Variants in B3GALT1 observed in about 807,000 individuals in gnomAD.
B3GALT1 encodes the protein beta-1,3-galactosyltransferase 1.
Under a neutral mutation model 23.2 loss-of-function variants are expected in B3GALT1, and 10 were observed. The ratio of observed to expected loss-of-function variants is 0.43; its 90% CI spans 0.27 to 0.73. The LOEUF (loss-of-function observed/expected upper bound fraction) is 0.73. Ranked by LOEUF, B3GALT1 falls within the 30% of genes least tolerant of loss-of-function variation. The probability of loss-of-function intolerance (pLI) is 0.21; values close to 1 mark genes in which losing one functional copy is unlikely to be tolerated. For synonymous variants in B3GALT1, 156 were observed against 141.5 expected, an observed-to-expected ratio of 1.10 and a Z score of -0.73; for missense variants, 299 against 405.4, an observed-to-expected ratio of 0.74 and a Z score of 2.25.
At chr2:167,678,905 G>C (rs945163674) in intron 3 of B3GALT1, among the ~76,000 whole-genome samples, 6 of 151,998 alleles carry the variant, frequency 3.9e-5, no homozygotes, top group South Asian at 4.1e-4. Flanking sequence ...TATTCAAGTG[G>C]CTTTTTTCCT....
Position 167,665,792 on chromosome 2 carries a change from G to A in B3GALT1, c.-352+18826G>A, listed in dbSNP as rs561673281. 3.0e-4 allele frequency among the ~76,000 whole-genome samples: 45 copies of A among 152,264 alleles called. No homozygotes were observed. In the South Asian group the frequency reaches 4.4e-3, roughly 15 times the overall value. The stretch of plus-strand genomic sequence containing the variant: ...TTCTCTGATGGTAGTTTGTATTTCC[G>A]TGGGATCGGTGGTGATATCCTCTTT... On this transcript the variant is annotated intron_variant, in intron 3 of 4. Transcript: ENST00000392690.
At chr2:167,380,675 C>T (rs1165733473) in intron 1 of B3GALT1, among the ~76,000 whole-genome samples, 8 of 152,252 alleles carry the variant, frequency 5.3e-5, no homozygotes, top group African/African-American at 1.9e-4. Flanking sequence ...GTGTCTTTCC[C>T]TCACAGCATC....
rs1690286416 is a variant in B3GALT1, at chr2:167,868,914, T to C, written c.-126T>C. On this transcript the variant is annotated 5_prime_UTR_variant, in exon 5 of 5. Transcript: ENST00000392690. ...CAGCCACTGAGGCCCATGGACAATC[T>C]CCACCTCACGCTTCTCTATCAAACT... 1.7e-6 allele frequency: 2 copies of C among 1,175,986 alleles called. No individual in the cohort carries two copies. Among genetic ancestry groups the C allele is most frequent in the Non-Finnish European group, 2.4e-6 (2 of 839,896 alleles). 72.8% of individuals were successfully genotyped at this position (1,175,986 alleles called of 1,614,324 possible). A position where few individuals can be genotyped will look rare whatever the true frequency, so the allele number is the denominator to read the frequency against.
At chr2:167,474,785 G>A (rs752281564) in intron 1 of B3GALT1, among the ~76,000 whole-genome samples, 5 of 152,108 alleles carry the variant, frequency 3.3e-5, no homozygotes, top group Non-Finnish European at 7.4e-5. Context: ...CCTAAAATTT[G>A]ATGTGATTTT....
intron 3 of B3GALT1, among the ~76,000 whole-genome samples, chr2:167,766,787 G>A (rs1687984581): frequency 6.6e-6 from 1 of 152,136 alleles, no homozygotes; most frequent in South Asian, 2.1e-4. Flanking sequence ...TTCTGATAAA[G>A]CTTTGGCTAA....
At chr2:167,766,415 A>G (rs1687976765) in intron 3 of B3GALT1, among the ~76,000 whole-genome samples, 1 of 152,158 alleles carries the variant, frequency 6.6e-6, no homozygotes, top group Non-Finnish European at 1.5e-5. Flanking sequence ...TGGAATGGAG[A>G]GATGAAAATT....
rs111312107 is a variant in B3GALT1 at position 167,420,820 on chromosome 2, AC to A, written c.-510-69355del. Among the ~76,000 whole-genome samples the A allele has an allele frequency of 5.3e-5, 8 of 152,326 alleles. 1 individual carries two copies. Among genetic ancestry groups the A allele is most frequent in the African/African-American group, 1.9e-4 (8 of 41,586 alleles). ...AATGATGCATACTTTGTTAAGGTCTACCTTCTAAACTTAACTTGATTGCATG... is the reference window on the plus strand; with the variant it reads ...AATGATGCATACTTTGTTAAGGTCTACTTCTAAACTTAACTTGATTGCATG... On this transcript the variant is annotated intron_variant, in intron 1 of 4. Transcript: ENST00000392690.
intron 1 of B3GALT1, among the ~76,000 whole-genome samples, chr2:167,474,178 G>T (rs1481430475): frequency 6.6e-6 from 1 of 152,162 alleles, no homozygotes; most frequent in Non-Finnish European, 1.5e-5. Flanking sequence ...TTTCTAATCA[G>T]TCTAATGGTT....
At chr2:167,539,946 T>A (rs925775399) in intron 2 of B3GALT1, among the ~76,000 whole-genome samples, 6 of 152,172 alleles carry the variant, frequency 3.9e-5, no homozygotes, top group African/African-American at 1.4e-4. Context: ...AAAAAATAAC[T>A]CTATTCCTTC....
chr2:167,515,168 T>C (rs998514298), intron 2 of B3GALT1, among the ~76,000 whole-genome samples: 5 of 152,124 alleles, frequency 3.3e-5, no homozygotes, highest in African/African-American at 1.2e-4. Context: ...GAAACAAAAA[T>C]AATGTTTTCA....
chr2:167,460,650 T>G (rs550153620), intron 1 of B3GALT1, among the ~76,000 whole-genome samples: 17 of 152,258 alleles, frequency 1.1e-4, no homozygotes, highest in African/African-American at 3.4e-4. Context: ...TGCCATACTT[T>G]CTGGTTTCTT....
At chr2:167,541,372 A>G (rs1293415750) in intron 2 of B3GALT1, among the ~76,000 whole-genome samples, 2 of 152,142 alleles carry the variant, frequency 1.3e-5, no homozygotes, top group African/African-American at 4.8e-5. Flanking sequence ...CAGATGAGAA[A>G]AATCCTTTTT....
At chr2:167,800,391 G>A (rs1310208531) in intron 3 of B3GALT1, among the ~76,000 whole-genome samples, 1 of 152,076 alleles carries the variant, frequency 6.6e-6, no homozygotes, top group Non-Finnish European at 1.5e-5. Flanking sequence ...AATGTTTAGG[G>A]AGGAAAAACT....
At chr2:167,340,733 C>A (rs1010959859) in intron 1 of B3GALT1, among the ~76,000 whole-genome samples, 3 of 152,120 alleles carry the variant, frequency 2.0e-5, no homozygotes, top group Non-Finnish European at 4.4e-5. Context: ...CTTCTCTAGA[C>A]AAAGTGATCA....
intron 3 of B3GALT1, among the ~76,000 whole-genome samples, chr2:167,748,263 TG>T (rs1687682052): frequency 1.3e-5 from 2 of 152,096 alleles, no homozygotes; most frequent in Admixed American, 1.3e-4. Flanking sequence ...GATTGGCAGT[TG>T]GGGGTGACAG....
At chr2:167,510,336 T>C (rs1699986703) in intron 2 of B3GALT1, among the ~76,000 whole-genome samples, 2 of 152,002 alleles carry the variant, frequency 1.3e-5, no homozygotes, top group Non-Finnish European at 2.9e-5. Context: ...TCTTGTTATA[T>C]TTTTTTAATT....
At chr2:167,849,788 G>A (rs1471322601) in intron 4 of B3GALT1, among the ~76,000 whole-genome samples, 3 of 151,808 alleles carry the variant, frequency 2.0e-5, no homozygotes, top group Non-Finnish European at 4.4e-5. Context: ...TACTCGGGAG[G>A]CTGAGGCAGG....
chr2:167,748,053 G>A (rs1427547278), intron 3 of B3GALT1, among the ~76,000 whole-genome samples: 1 of 151,874 alleles, frequency 6.6e-6, no homozygotes, highest in Non-Finnish European at 1.5e-5. Context: ...GGAATACAAA[G>A]AATAAGAAAT....
At chr2:167,469,069 G>C (rs970945942) in intron 1 of B3GALT1, among the ~76,000 whole-genome samples, 34 of 152,128 alleles carry the variant, frequency 2.2e-4, no homozygotes, top group African/African-American at 8.2e-4. Flanking sequence ...CTCCTGTGAC[G>C]CTATTCCTGA....
Sources: allele counts gnomAD v4.1 joint callset (sites outside exome capture counted in the v4.1 genomes callset), GRCh38; gene constraint gnomAD v4.1.1; transcripts MANE v1.5; gene names NCBI Gene and HGNC (gene_info 2026-07-23, HGNC 2026-07-21).